FHDC1: variants seen among roughly 807,000 people sequenced by gnomAD.
The protein encoded by FHDC1 is FH2 domain containing 1.
In FHDC1, 25 loss-of-function variants were observed where a neutral mutation model predicts 52.6. The observed-to-expected ratio is 0.48, with a 90% confidence interval of 0.35 to 0.66. The LOEUF is 0.66. Ranked by LOEUF, FHDC1 falls within the 30% of genes least tolerant of loss-of-function variation. The probability of loss-of-function intolerance (pLI) is 0.01; values close to 1 mark genes in which losing one functional copy is unlikely to be tolerated. For missense variants in FHDC1, 1,459 were observed against 1,452.8 expected, an observed-to-expected ratio of 1.00 and a Z score of -0.07; for synonymous variants, 616 against 581.5, an observed-to-expected ratio of 1.06 and a Z score of -0.85.
At chr4:152,957,735 C>T (rs1028211786) in intron 4 of FHDC1, among the ~76,000 whole-genome samples, 10 of 152,196 alleles carry the variant, frequency 6.6e-5, no homozygotes, top group Non-Finnish European at 1.3e-4. Flanking sequence ...GCTGACAAGC[C>T]GACCAAAGCC....
chr4:152,960,870 G>T, intron 6 of FHDC1, 26 bp downstream of exon 6: 1 of 1,507,670 alleles, frequency 6.6e-7, no homozygotes, highest in Non-Finnish European at 8.9e-7. Flanking sequence ...ATCCTTCGCA[G>T]AATTTGTTTT....
At chr4:152,968,172 G>C in intron 10 of FHDC1, 75 bp downstream of exon 10, 1 of 1,029,598 alleles carries the variant, frequency 9.7e-7, no homozygotes. Context: ...AATTTGCATG[G>C]GTGTATTTGT....
chr4:152,959,829 C>T (rs1468479075), intron 4 of FHDC1, among the ~76,000 whole-genome samples: 2 of 152,098 alleles, frequency 1.3e-5, no homozygotes, highest in Admixed American at 6.5e-5. Flanking sequence ...AGTGTACATA[C>T]TATTTTATTG....
At chr4:152,918,348 AT>A in the FHDC1 span, 8 of 152,298 alleles carry the variant, frequency 5.3e-5, no homozygotes, top group African/African-American at 1.4e-4. Context: ...AACTTCAACA[AT>A]TTCATTTCTA....
chr4:152,942,442 T>C (rs1466803205), intron 1 of FHDC1, among the ~76,000 whole-genome samples: 1 of 152,192 alleles, frequency 6.6e-6, no homozygotes. Context: ...CATCTCCAAA[T>C]GCCCTGTCTT....
At chr4:152,931,487 C>T (rs954314364), upstream of FHDC1, among the ~76,000 whole-genome samples, 2 of 150,730 alleles carry the variant, frequency 1.3e-5, no homozygotes, top group African/African-American at 2.5e-5. Flanking sequence ...CACACACACA[C>T]ACACACACAC....
the FHDC1 span, among the ~76,000 whole-genome samples, chr4:152,925,247 CT>C: frequency 6.6e-6 from 1 of 152,080 alleles, no homozygotes; most frequent in Non-Finnish European, 1.5e-5. Context: ...AATTAGACCT[CT>C]TTTATATATT....
At chr4:152,914,403 CTG>C in the FHDC1 span, among the ~76,000 whole-genome samples, 2 of 152,174 alleles carry the variant, frequency 1.3e-5, no homozygotes, top group African/African-American at 4.8e-5. Context: ...TAAGTGAGGA[CTG>C]TTAGTCTGGT....
intron 8 of FHDC1, among the ~76,000 whole-genome samples, chr4:152,964,620 T>C (rs1740404390): frequency 6.6e-6 from 1 of 152,238 alleles, no homozygotes; most frequent in Non-Finnish European, 1.5e-5. Flanking sequence ...GCAGGATATA[T>C]TGGATTCTTT....
chr4:152,944,520 G>T (rs1195144146), intron 2 of FHDC1, among the ~76,000 whole-genome samples: 1 of 152,160 alleles, frequency 6.6e-6, no homozygotes, highest in Non-Finnish European at 1.5e-5. Context: ...AGTAGGCAGG[G>T]CCCTGGGATG....
chr4:152,933,584 T>G (rs1303090720), upstream of FHDC1, among the ~76,000 whole-genome samples: 2 of 151,584 alleles, frequency 1.3e-5, no homozygotes, highest in Non-Finnish European at 2.9e-5. Context: ...AATACAAAAA[T>G]TAGCCAGGTG....
Position 152,976,946 on chromosome 4 carries a change from A to C in FHDC1, c.*223A>C. 1 of 436,436 alleles carries C rather than the reference A, an allele frequency of 2.3e-6. No individual in the cohort carries two copies. The highest frequency in any genetic ancestry group is 3.9e-6 in the Non-Finnish European group (1 of 259,478). 27.0% of individuals were successfully genotyped at this position (436,436 alleles called of 1,614,324 possible). The stretch of plus-strand genomic sequence containing the variant: ...GCGTCCAGATGGATGCACGTTCACT[A>C]CTGTGACGGCCGCACCTCCCCCATG... On this transcript the variant is annotated 3_prime_UTR_variant, in exon 12 of 12. Coordinates refer to ENST00000511601, the MANE Select transcript of FHDC1 (RefSeq NM_001371116.1).
chr4:152,914,756 T>C, the FHDC1 span, among the ~76,000 whole-genome samples: 1 of 152,244 alleles, frequency 6.6e-6, no homozygotes, highest in East Asian at 1.9e-4. Context: ...TATATGTTCA[T>C]ATAAATAACT....
chr4:152,946,637 A>C (rs1739742327), intron 2 of FHDC1, among the ~76,000 whole-genome samples: 1 of 152,156 alleles, frequency 6.6e-6, no homozygotes, highest in Non-Finnish European at 1.5e-5. Context: ...AATTCCCTCC[A>C]CAGCCTGTTC....
intron 10 of FHDC1, among the ~76,000 whole-genome samples, chr4:152,970,387 G>A (rs939843328): frequency 1.3e-5 from 2 of 152,108 alleles, no homozygotes; most frequent in Admixed American, 6.5e-5. Flanking sequence ...ACTCCTGCCC[G>A]GTAACTTCAA....
the FHDC1 span, among the ~76,000 whole-genome samples, chr4:152,919,466 A>G: frequency 2.0e-4 from 31 of 152,370 alleles, no homozygotes; most frequent in African/African-American, 6.3e-4. Context: ...CCATTCTACC[A>G]TGGCAGCTAG....
intron 11 of FHDC1, among the ~76,000 whole-genome samples, chr4:152,974,295 G>T (rs994268682): frequency 3.3e-5 from 5 of 152,158 alleles, no homozygotes; most frequent in Non-Finnish European, 5.9e-5. Context: ...AACAGAGTTG[G>T]CTTTCCTTGG....
At chr4:152,943,592 C>T (rs751434046) in intron 2 of FHDC1, 37 bp downstream of exon 2, 19 of 1,573,178 alleles carry the variant, frequency 1.2e-5, no homozygotes, top group East Asian at 2.2e-5. Flanking sequence ...CCTCCACACA[C>T]TGCATTGTTT....
At chr4:152,940,395 G>T (rs1242732416) in intron 1 of FHDC1, among the ~76,000 whole-genome samples, 1 of 152,186 alleles carries the variant, frequency 6.6e-6, no homozygotes, top group East Asian at 1.9e-4. Context: ...ATGGGGCATT[G>T]GTTAGAATCA....
Sources: allele counts gnomAD v4.1 joint callset (sites outside exome capture counted in the v4.1 genomes callset), GRCh38; gene constraint gnomAD v4.1.1; transcripts MANE v1.5; gene names NCBI Gene and HGNC (gene_info 2026-07-23, HGNC 2026-07-21).